Variants in RBFOX1 observed in about 807,000 individuals in gnomAD.
The protein encoded by RBFOX1 is RNA binding fox-1 homolog 1.
A neutral mutation model predicts 57.7 loss-of-function variants in RBFOX1; 8 were observed. The observed-to-expected ratio is 0.14, with a 90% CI of 0.08 to 0.25. RBFOX1 has a LOEUF of 0.25. RBFOX1 is among the 10% of genes least tolerant of loss of function. The pLI, the probability that RBFOX1 is intolerant of heterozygous loss-of-function variation, is 1.00. For missense variants in RBFOX1, 611 were observed against 548.5 expected (o/e 1.11, Z -1.14); for synonymous variants, 326 against 222.4 (o/e 1.47, Z -4.15).
At chr16:6,161,965 A>G (rs1009163144) in intron 1 of RBFOX1, among the ~76,000 whole-genome samples, 6 of 152,238 alleles carry the variant, frequency 3.9e-5, no homozygotes, top group Non-Finnish European at 8.8e-5. Flanking sequence ...AGTCCTTCAC[A>G]GCCAACTAAG....
intron 3 of RBFOX1, among the ~76,000 whole-genome samples, chr16:6,720,292 G>A (rs1008757587): frequency 6.6e-6 from 1 of 151,784 alleles, no homozygotes; most frequent in African/African-American, 2.4e-5. Flanking sequence ...TTTTTCTCCT[G>A]TTTCTGCTAC....
chr16:7,041,613 C>G (rs1400574546), intron 3 of RBFOX1, among the ~76,000 whole-genome samples: 1 of 152,126 alleles, frequency 6.6e-6, no homozygotes, highest in African/African-American at 2.4e-5. Context: ...CAGCTGCCCC[C>G]TCGAAACAGT....
At chr16:5,410,670 T>C (rs1261814838) in intron 1 of RBFOX1, among the ~76,000 whole-genome samples, 1 of 152,216 alleles carries the variant, frequency 6.6e-6, no homozygotes, top group Non-Finnish European at 1.5e-5. Flanking sequence ...AGCTCCGTGT[T>C]CCTGTCAAAC....
chr16:7,612,504 T>C (rs1336940167), intron 10 of RBFOX1, among the ~76,000 whole-genome samples: 3 of 151,708 alleles, frequency 2.0e-5, no homozygotes, highest in African/African-American at 7.3e-5. Context: ...TCATGTTATC[T>C]AGTGTAGTTA....
chr16:5,641,072 T>TACAC (rs538058958), intron 3 of RBFOX1, among the ~76,000 whole-genome samples: 1 of 141,446 alleles, frequency 7.1e-6, no homozygotes, highest in African/African-American at 2.6e-5. Context: ...ATGCACACCA[T>TACAC]ACACACACAC....
chr16:7,132,588 T>G (rs2070788338), intron 4 of RBFOX1, among the ~76,000 whole-genome samples: 1 of 148,234 alleles, frequency 6.7e-6, no homozygotes, highest in African/African-American at 2.5e-5. Context: ...AAGGCAGAAG[T>G]AAACTATTTG....
intron 4 of RBFOX1, among the ~76,000 whole-genome samples, chr16:7,351,605 G>A (rs538409052): frequency 1.3e-5 from 2 of 152,170 alleles, no homozygotes; most frequent in African/African-American, 4.8e-5. Context: ...CTCTGCTCTT[G>A]AGCTCACATC....
chr16:7,593,133 G>T (rs1439783607), intron 7 of RBFOX1, among the ~76,000 whole-genome samples: 1 of 152,042 alleles, frequency 6.6e-6, no homozygotes, highest in Non-Finnish European at 1.5e-5. Flanking sequence ...TCTTTTGATG[G>T]TTTCGATCAC....
intron 1 of RBFOX1, among the ~76,000 whole-genome samples, chr16:5,356,075 A>G (rs2065381540): frequency 1.3e-5 from 2 of 152,204 alleles, no homozygotes; most frequent in African/African-American, 4.8e-5. Context: ...TGGGTGACAG[A>G]GCGAAACTCA....
At chr16:5,459,546 C>T (rs1257696778) in intron 1 of RBFOX1, among the ~76,000 whole-genome samples, 1 of 152,150 alleles carries the variant, frequency 6.6e-6, no homozygotes, top group Non-Finnish European at 1.5e-5. Flanking sequence ...ATCTCAAATG[C>T]CGCATGTCCA....
At chr16:5,918,444 C>T (rs974682741) in intron 4 of RBFOX1, among the ~76,000 whole-genome samples, 1 of 152,126 alleles carries the variant, frequency 6.6e-6, no homozygotes, top group Non-Finnish European at 1.5e-5. Context: ...CCACCAACAC[C>T]GGTGTGTGTG....
At chr16:5,813,777 A>C (rs115887568) in intron 3 of RBFOX1, among the ~76,000 whole-genome samples, 1,653 of 152,282 alleles carry the variant, frequency 0.011, 42 homozygotes, top group African/African-American at 0.038. Context: ...TTAGCTATTG[A>C]GATTTCATTA....
rs1352822587 is a variant in RBFOX1 at position 7,676,768 on chromosome 16, T to C, written c.931-6T>C. The C allele has an allele frequency of 3.1e-6, 5 of 1,611,512 alleles. No individual in the cohort carries two copies. The highest frequency in any genetic ancestry group is 2.7e-5 in the African/African-American group (2 of 74,820). ...TTCCTGAGTCACATTTCTCCTTGTG[T>C]TTTAGGGTGGTTATGCTGCATACCG... On this transcript the variant is annotated splice_region_variant and splice_polypyrimidine_tract_variant and intron_variant, in intron 13 of 15. Coordinates refer to ENST00000550418, the MANE Select transcript of RBFOX1 (RefSeq NM_018723.4).
chr16:6,591,433 G>T (rs1318438402), intron 2 of RBFOX1, among the ~76,000 whole-genome samples: 1 of 152,148 alleles, frequency 6.6e-6, no homozygotes, highest in African/African-American at 2.4e-5. Flanking sequence ...CAGTCTGGGT[G>T]TCGTAGTGAG....
At chr16:7,115,914 A>C (rs1330742078) in intron 4 of RBFOX1, among the ~76,000 whole-genome samples, 1 of 152,198 alleles carries the variant, frequency 6.6e-6, no homozygotes, top group Non-Finnish European at 1.5e-5. Context: ...GATGCGTATA[A>C]TAGGCAATGA....
chr16:6,082,104 C>G (rs570181653), intron 1 of RBFOX1, among the ~76,000 whole-genome samples: 12 of 150,928 alleles, frequency 8.0e-5, no homozygotes, highest in Admixed American at 7.9e-4. Context: ...GTACCTGATT[C>G]AGAGGTTGTT....
At chr16:5,922,396 G>C (rs978737926) in intron 4 of RBFOX1, among the ~76,000 whole-genome samples, 1 of 152,180 alleles carries the variant, frequency 6.6e-6, no homozygotes, top group African/African-American at 2.4e-5. Context: ...AGGGACACAA[G>C]GAGATGTGGC....
chr16:6,892,775 C>CCTCCCTCTCTCT (rs2065795759), intron 3 of RBFOX1, among the ~76,000 whole-genome samples: 4 of 84,730 alleles, frequency 4.7e-5, no homozygotes, highest in African/African-American at 2.0e-4. Flanking sequence ...TCCCTGTCTC[C>CCTCCCTCTCTCT]CTCTCTCTCT....
chr16:5,394,236 C>G (rs997247835), intron 1 of RBFOX1, among the ~76,000 whole-genome samples: 7 of 152,138 alleles, frequency 4.6e-5, no homozygotes, highest in South Asian at 2.1e-4. Context: ...GTTGGCCAGG[C>G]TGATCTCAAA....
Sources: gnomAD v4.1 joint callset for allele counts (sites outside exome capture counted in the v4.1 genomes callset) on GRCh38, gnomAD v4.1.1 for gene constraint, MANE v1.5 for transcripts, NCBI Gene and HGNC (gene_info 2026-07-23, HGNC 2026-07-21) for gene names.